CDH2: variants seen among roughly 807,000 people sequenced by gnomAD.
CDH2 encodes the protein cadherin 2.
Under a neutral mutation model 92.0 loss-of-function variants are expected in CDH2, and 17 were observed. The ratio of observed to expected loss-of-function variants is 0.18; its 90% confidence interval spans 0.13 to 0.28. CDH2 has a LOEUF of 0.28. Among genes scored for constraint, CDH2 ranks in the 10% least tolerant of loss-of-function variants. The pLI is 1.00. For missense variants in CDH2, 862 were observed against 1,133.1 expected (o/e 0.76, Z 3.44); for synonymous variants, 419 against 415.9 (o/e 1.01, Z -0.09).
intron 1 of CDH2, among the ~76,000 whole-genome samples, chr18:28,150,438 G>A (rs749672781): frequency 3.9e-5 from 6 of 152,170 alleles, no homozygotes; most frequent in African/African-American, 9.6e-5. Flanking sequence ...GAGAATCAGC[G>A]GCACCAAGTT....
chr18:28,138,534 A>C (rs542998614), intron 2 of CDH2, among the ~76,000 whole-genome samples: 28 of 152,222 alleles, frequency 1.8e-4, no homozygotes, highest in African/African-American at 6.5e-4. Context: ...AGTAAACAAG[A>C]ATCCTCAAAC....
intron 5 of CDH2, 26 bp downstream of exon 5, chr18:28,009,691 G>A: frequency 6.2e-7 from 1 of 1,609,894 alleles, no homozygotes; most frequent in Non-Finnish European, 8.5e-7. Context: ...TTAATACACA[G>A]AATTATCAGC....
At chr18:28,104,524 T>A (rs1468038441) in intron 2 of CDH2, among the ~76,000 whole-genome samples, 1 of 151,648 alleles carries the variant, frequency 6.6e-6, no homozygotes, top group Non-Finnish European at 1.5e-5. Flanking sequence ...ATGGAGCTAT[T>A]CTTATTAAGG....
chr18:28,085,805 T>G (rs1052093876), intron 2 of CDH2, among the ~76,000 whole-genome samples: 12 of 152,284 alleles, frequency 7.9e-5, no homozygotes, highest in East Asian at 1.9e-4. Context: ...TGTTTGGGAC[T>G]TAGTAAGTAC....
chr18:28,010,590 G>T (rs1040861306), intron 4 of CDH2, among the ~76,000 whole-genome samples: 2 of 151,942 alleles, frequency 1.3e-5, no homozygotes, highest in African/African-American at 2.4e-5. Context: ...GGAAGGGGAC[G>T]AAGGGAGGCA....
chr18:27,941,628 T>C (rs1909141748), intron 6 of CDH2, among the ~76,000 whole-genome samples: 1 of 152,216 alleles, frequency 6.6e-6, no homozygotes, highest in African/African-American at 2.4e-5. Flanking sequence ...TCTGAAAGAT[T>C]CCTATACATG....
chr18:27,986,192 C>T (rs1377907106), intron 11 of CDH2, among the ~76,000 whole-genome samples: 1 of 152,110 alleles, frequency 6.6e-6, no homozygotes, highest in Non-Finnish European at 1.5e-5. Context: ...ATGCTTTTAA[C>T]GCTCTAACAC....
intron 7 of CDH2, 93 bp downstream of exon 7, chr18:28,002,904 T>C: frequency 1.9e-6 from 2 of 1,080,380 alleles, no homozygotes; most frequent in Non-Finnish European, 2.8e-6. Flanking sequence ...ACACTGTGAG[T>C]ATATTGTGAT....
At chr18:28,128,647 T>C (rs1339622461) in intron 2 of CDH2, among the ~76,000 whole-genome samples, 1 of 151,676 alleles carries the variant, frequency 6.6e-6, no homozygotes, top group Non-Finnish European at 1.5e-5. Context: ...GATCATGCCA[T>C]TGCACTCCAG....
chr18:28,106,806 GTAT>G (rs2144245394), intron 2 of CDH2, among the ~76,000 whole-genome samples: 1 of 152,144 alleles, frequency 6.6e-6, no homozygotes, highest in Non-Finnish European at 1.5e-5. Context: ...ATCTCTAATT[GTAT>G]TATTTATGTC....
intron 2 of CDH2, among the ~76,000 whole-genome samples, chr18:28,123,854 G>T (rs920383903): frequency 3.9e-5 from 6 of 152,118 alleles, no homozygotes. Flanking sequence ...TTGTTCTCAG[G>T]CAGCCACAGA....
chr18:28,024,909 C>T (rs180776385), intron 2 of CDH2, among the ~76,000 whole-genome samples: 247 of 151,982 alleles, frequency 1.6e-3, no homozygotes, highest in African/African-American at 5.6e-3. Context: ...GGAGGGAAGA[C>T]AGAATAAGCA....
At chr18:27,963,325 C>CTCTT in intron 15 of CDH2, 32 bp downstream of exon 15, 1 of 1,607,228 alleles carries the variant, frequency 6.2e-7, no homozygotes, top group Non-Finnish European at 8.5e-7. Flanking sequence ...GAAATGAAAA[C>CTCTT]TCTTATAGAG....
At chr18:28,166,016 T>C (rs2016372973) in intron 1 of CDH2, among the ~76,000 whole-genome samples, 1 of 151,268 alleles carries the variant, frequency 6.6e-6, no homozygotes. Flanking sequence ...AAGTAAAATA[T>C]GTATATGTGA....
intron 14 of CDH2, among the ~76,000 whole-genome samples, chr18:27,978,605 T>C (rs1194213085): frequency 2.3e-5 from 2 of 85,812 alleles, no homozygotes; most frequent in Admixed American, 2.1e-4. Context: ...AAATAATATA[T>C]GTAGTTGGGG....
chr18:28,139,862 A>G (rs766795649), intron 2 of CDH2, among the ~76,000 whole-genome samples: 1 of 152,012 alleles, frequency 6.6e-6, no homozygotes, highest in Admixed American at 6.6e-5. Context: ...TACTGTTTGT[A>G]TACTGAGTAC....
chr18:27,984,948 A>G, intron 13 of CDH2, 52 bp downstream of exon 13: 1 of 1,420,442 alleles, frequency 7.0e-7, no homozygotes. Context: ...ACTTTGCTGA[A>G]CATCCTAGAA....
intron 11 of CDH2, 26 bp from the exon 12 acceptor site, chr18:27,985,787 G>T: frequency 2.3e-6 from 3 of 1,331,246 alleles, no homozygotes; most frequent in Middle Eastern, 2.0e-4. Context: ...AATCACAAAT[G>T]ATGCTGAACA....
Position 27,963,626 on chromosome 18 carries a change from AT to A in CDH2, c.2350-106del, listed in dbSNP as rs1204190412. On this transcript the variant is annotated intron_variant, in intron 14 of 15. Transcript: ENST00000269141. ...CTCAGAACACATAGAAATGAGGAAA[AT>A]TTAACATAATGGAAAAGTTGCCACT... 3 of 935,692 alleles carry A rather than the reference AT, an allele frequency of 3.2e-6. No homozygotes were observed. The East Asian group carries it at 7.7e-5, about 24-fold the overall frequency. 58.0% of individuals were successfully genotyped at this position (935,692 alleles called of 1,614,324 possible).
Sources: allele counts gnomAD v4.1 joint callset (sites outside exome capture counted in the v4.1 genomes callset), GRCh38; gene constraint gnomAD v4.1.1; transcripts MANE v1.5; gene names NCBI Gene and HGNC (gene_info 2026-07-23, HGNC 2026-07-21).